OPCML: variants seen among roughly 807,000 people sequenced by gnomAD.
The protein encoded by OPCML is opioid binding protein/cell adhesion molecule like.
In OPCML, 13 loss-of-function variants were observed where a neutral mutation model predicts 37.8. The ratio of observed to expected loss-of-function variants is 0.34; its 90% CI spans 0.22 to 0.55. OPCML has a LOEUF of 0.55. Among genes scored for constraint, OPCML ranks in the 20% least tolerant of loss-of-function variants. The pLI is 0.91. For missense variants in OPCML, 341 were observed against 435.6 expected (o/e 0.78, Z 1.93); for synonymous variants, 176 against 168.8 (o/e 1.04, Z -0.33).
chr11:132,436,848 G>T, intron 5 of OPCML, 69 bp from the exon 6 acceptor site: 2 of 1,564,974 alleles, frequency 1.3e-6, no homozygotes, highest in Non-Finnish European at 8.7e-7. Context: ...TTTCGTGAAA[G>T]AGATGAAGGG....
At chr11:132,957,496 ATATT>A (rs1344141166) in intron 1 of OPCML, among the ~76,000 whole-genome samples, 3 of 152,150 alleles carry the variant, frequency 2.0e-5, no homozygotes, top group African/African-American at 7.2e-5. Flanking sequence ...ACTTAAATAT[ATATT>A]TATTTATAAA....
intron 1 of OPCML, among the ~76,000 whole-genome samples, chr11:133,200,118 C>A (rs767013032): frequency 2.0e-5 from 3 of 152,146 alleles, no homozygotes; most frequent in South Asian, 2.1e-4. Context: ...CCATGGAAAG[C>A]CTGATGTCTC....
Position 132,683,444 on chromosome 11 carries a change from C to T in OPCML, c.147-26125G>A, listed in dbSNP as rs146128097. Among the ~76,000 whole-genome samples, 36 of 152,218 alleles carry T rather than the reference C, an allele frequency of 2.4e-4. 1 individual carries two copies. In the East Asian group the frequency reaches 7.0e-3, roughly 29 times the overall value. On this transcript the variant is annotated intron_variant, in intron 2 of 7. Transcript: ENST00000524381. ...GGAAAAACCTGGTTGATATGCTGCT[C>T]AGACTGGAAAAAGTAGATGATTTAG...
intron 3 of OPCML, among the ~76,000 whole-genome samples, chr11:132,626,695 TA>T (rs35134050): frequency 0.27 from 40,071 of 149,424 alleles, 6,748 homozygotes; most frequent in African/African-American, 0.48. Context: ...TATGAGCCTT[TA>T]AAAAAAAAAA....
intron 1 of OPCML, among the ~76,000 whole-genome samples, chr11:133,508,052 A>G (rs1430846987): frequency 2.0e-5 from 3 of 152,192 alleles, no homozygotes; most frequent in African/African-American, 7.2e-5. Flanking sequence ...CTTTTCAAAA[A>G]TATTAATATC....
At chr11:133,320,566 C>T (rs575210932) in intron 1 of OPCML, among the ~76,000 whole-genome samples, 2 of 148,204 alleles carry the variant, frequency 1.3e-5, no homozygotes, top group East Asian at 4.0e-4. Flanking sequence ...TAGCTCTTAT[C>T]ACCACCTCCC....
intron 1 of OPCML, among the ~76,000 whole-genome samples, chr11:133,252,389 C>T (rs938848500): frequency 4.6e-5 from 7 of 152,118 alleles, no homozygotes; most frequent in African/African-American, 1.7e-4. Flanking sequence ...ATCACATTTT[C>T]CTCCCCTTAT....
intron 1 of OPCML, among the ~76,000 whole-genome samples, chr11:133,046,818 A>T (rs1288247721): frequency 1.3e-5 from 2 of 152,148 alleles, no homozygotes. Context: ...TGGAGATGTA[A>T]ATATTCATAA....
At chr11:133,036,613 T>C (rs1947788490) in intron 1 of OPCML, among the ~76,000 whole-genome samples, 3 of 152,210 alleles carry the variant, frequency 2.0e-5, no homozygotes, top group Admixed American at 2.0e-4. Context: ...GGTAAAGAAT[T>C]TGGAATGCAA....
chr11:132,745,603 A>G (rs1194344720), intron 2 of OPCML, among the ~76,000 whole-genome samples: 1 of 150,522 alleles, frequency 6.6e-6, no homozygotes, highest in African/African-American at 2.4e-5. Context: ...AAAGAAAGAA[A>G]GAAAAAAAAA....
intron 2 of OPCML, among the ~76,000 whole-genome samples, chr11:132,711,933 A>C (rs1171448204): frequency 6.6e-6 from 1 of 152,206 alleles, no homozygotes; most frequent in Non-Finnish European, 1.5e-5. Context: ...CAAATATTCA[A>C]CTAAATAGAA....
chr11:133,122,663 A>G (rs1192624458), intron 1 of OPCML, among the ~76,000 whole-genome samples: 1 of 152,064 alleles, frequency 6.6e-6, no homozygotes, highest in Admixed American at 6.5e-5. Flanking sequence ...TCCCCTCCCT[A>G]TACCTTTCCT....
intron 1 of OPCML, among the ~76,000 whole-genome samples, chr11:133,521,693 A>G (rs552116012): frequency 1.3e-5 from 2 of 152,248 alleles, no homozygotes; most frequent in Non-Finnish European, 2.9e-5. Context: ...GGGACTCCCA[A>G]GGAAACTGCA....
chr11:133,469,530 G>C (rs1947057342), intron 1 of OPCML, among the ~76,000 whole-genome samples: 1 of 152,188 alleles, frequency 6.6e-6, no homozygotes, highest in Non-Finnish European at 1.5e-5. Context: ...CCCTACTCCA[G>C]CCTCAGCCCA....
At chr11:133,312,180 C>T (rs149385496) in intron 1 of OPCML, among the ~76,000 whole-genome samples, 9 of 152,250 alleles carry the variant, frequency 5.9e-5, no homozygotes, top group South Asian at 2.1e-4. Context: ...CATTTATATC[C>T]GAATTCTCTC....
rs1374776290 is a variant in OPCML, at chr11:132,688,806, C to T, written c.147-31487G>A. Among the ~76,000 whole-genome samples the T allele has an allele frequency of 3.0e-4, 28 of 93,780 alleles. 12 individuals are homozygous for T. The highest frequency in any genetic ancestry group is 1.0e-3 in the African/African-American group (23 of 22,850). 61.5% of individuals were successfully genotyped at this position (93,780 alleles called of 152,430 possible). ...AAAAAAAAAAATACAAAAAATTAGC[C>T]GGGCGCGGTGGCGGGCGCCTGTAGT... On this transcript the variant is annotated intron_variant, in intron 2 of 7. Coordinates refer to ENST00000524381, the MANE Select transcript of OPCML (RefSeq NM_001012393.5).
chr11:133,107,088 C>T (rs1949171145), intron 1 of OPCML, among the ~76,000 whole-genome samples: 1 of 152,216 alleles, frequency 6.6e-6, no homozygotes, highest in South Asian at 2.1e-4. Context: ...AGGGAACTCT[C>T]TCTAGCCCCA....
intron 4 of OPCML, among the ~76,000 whole-genome samples, chr11:132,517,389 G>A (rs2096282426): frequency 6.6e-6 from 1 of 152,262 alleles, no homozygotes. Context: ...CATCCAGGAG[G>A]GAAGGAGGAA....
chr11:133,057,090 C>T (rs182070709), intron 1 of OPCML, among the ~76,000 whole-genome samples: 118 of 152,274 alleles, frequency 7.7e-4, no homozygotes, highest in Non-Finnish European at 1.2e-3. Context: ...GTTATCCACC[C>T]GCCTTGGCCT....
Sources: gnomAD v4.1 joint callset for allele counts (sites outside exome capture counted in the v4.1 genomes callset) on GRCh38, gnomAD v4.1.1 for gene constraint, MANE v1.5 for transcripts, NCBI Gene and HGNC (gene_info 2026-07-23, HGNC 2026-07-21) for gene names.